The following UNC79 variants were observed in gnomAD, a reference collection of about 807,000 sequenced individuals.
The protein encoded by UNC79 is protein unc-79 homolog.
A neutral mutation model predicts 283.1 loss-of-function variants in UNC79; 37 were observed. The observed-to-expected ratio is 0.13, with a 90% CI of 0.10 to 0.17. UNC79 has a LOEUF of 0.17. Ranked by LOEUF, UNC79 falls within the 10% of genes least tolerant of loss-of-function variation. UNC79 has a pLI of 1.00. For missense variants in UNC79, 2,272 were observed against 3,211.1 expected (o/e 0.71, Z 7.07); for synonymous variants, 1,107 against 1,200.2 (o/e 0.92, Z 1.61).
intron 34 of UNC79, among the ~76,000 whole-genome samples, chr14:93,643,960 C>G (rs1183870010): frequency 6.6e-6 from 1 of 152,194 alleles, no homozygotes; most frequent in East Asian, 1.9e-4. Context: ...TTACCCCTGT[C>G]ACTAAATGAG....
chr14:93,522,712 A>C (rs923446850), intron 7 of UNC79, among the ~76,000 whole-genome samples: 1 of 152,146 alleles, frequency 6.6e-6, no homozygotes, highest in Admixed American at 6.5e-5. Context: ...TGCTCTAAAA[A>C]TATGATCAAA....
At chr14:93,449,576 C>T (rs1476278767) in intron 1 of UNC79, among the ~76,000 whole-genome samples, 2 of 151,550 alleles carry the variant, frequency 1.3e-5, no homozygotes, top group Non-Finnish European at 2.9e-5. Context: ...AGTGACTGCA[C>T]CACTGCGCTC....
At chr14:93,361,785 A>G (rs765122104) in intron 1 of UNC79, among the ~76,000 whole-genome samples, 3 of 152,174 alleles carry the variant, frequency 2.0e-5, no homozygotes, top group Non-Finnish European at 4.4e-5. Flanking sequence ...CTCAAGGGGA[A>G]TGCTTCAAGC....
intron 2 of UNC79, among the ~76,000 whole-genome samples, chr14:93,473,875 A>G (rs1211421513): frequency 6.6e-6 from 1 of 152,212 alleles, no homozygotes; most frequent in Non-Finnish European, 1.5e-5. Context: ...ATGAGATGCA[A>G]TGAGACTTCC....
In UNC79 at chr14:93,621,635, G is replaced by T. The variant is rs1434949294; in HGVS notation, c.4402G>T (p.Ala1468Ser). 1.3e-6 allele frequency: 2 copies of T among 1,563,216 alleles called. No homozygotes were observed. Among genetic ancestry groups the T allele is most frequent in the Non-Finnish European group, 1.7e-6 (2 of 1,158,260 alleles). Residue 1468 changes from alanine to serine, a missense_variant, in exon 30 of 49, where the codon GCT (alanine) becomes TCT (serine). By Grantham distance (99) the Ala-to-Ser change is moderately conservative. Coordinates refer to ENST00000555664, the Ensembl canonical transcript of UNC79. The surrounding 1 kb of genome is among the most constrained non-coding windows in gnomAD (Gnocchi z 4.8). The stretch of plus-strand genomic sequence containing the variant: ...GTTTTGATCAGGTGAAATAGAACTG[G>T]CTGAATATAGAGAGACGGGTGCATT...
intron 5 of UNC79, among the ~76,000 whole-genome samples, chr14:93,493,195 G>T (rs1037934340): frequency 1.3e-5 from 2 of 152,078 alleles, no homozygotes; most frequent in African/African-American, 2.4e-5. Context: ...TACAAGGGGG[G>T]GCGGTTCAGG....
Position 93,690,081 on chromosome 14 carries a change from A to C in UNC79, c.7086-36A>C. On this transcript the variant is annotated intron_variant, in intron 44 of 48. Coordinates refer to ENST00000555664, the Ensembl canonical transcript of UNC79. This position sits in a 1 kb window ranked among gnomAD's most constrained non-coding sequence, Gnocchi z 4.3. ...TTATGCACCCAATGAAACACAAAACATAAAATCATCTTTAACACTCCTTCT... is the reference window on the plus strand; with the variant it reads ...TTATGCACCCAATGAAACACAAAACCTAAAATCATCTTTAACACTCCTTCT... 1 of 1,605,484 alleles carries C rather than the reference A, an allele frequency of 6.2e-7. No homozygotes were observed. The highest frequency in any genetic ancestry group is 8.5e-7 in the Non-Finnish European group (1 of 1,174,138).
intron 14 of UNC79, among the ~76,000 whole-genome samples, chr14:93,559,770 G>A (rs548976627): frequency 2.0e-5 from 3 of 152,118 alleles, no homozygotes; most frequent in East Asian, 1.9e-4. Flanking sequence ...CACTTTCTTC[G>A]GGCCATCTGG....
At chr14:93,553,111 A>G (rs78845729) in intron 14 of UNC79, among the ~76,000 whole-genome samples, 23 of 152,386 alleles carry the variant, frequency 1.5e-4, no homozygotes, top group Non-Finnish European at 2.6e-4. Context: ...GCAAACAACT[A>G]TATTGCCATA....
intron 40 of UNC79, among the ~76,000 whole-genome samples, chr14:93,666,035 A>G (rs1476440169): frequency 7.0e-6 from 1 of 143,828 alleles, no homozygotes; most frequent in Non-Finnish European, 1.5e-5. Flanking sequence ...ATAGAATACT[A>G]GAAAATAGTA....
At chr14:93,698,175 T>G (rs758630663) in intron 47 of UNC79, among the ~76,000 whole-genome samples, 1 of 152,212 alleles carries the variant, frequency 6.6e-6, no homozygotes, top group Non-Finnish European at 1.5e-5. Context: ...ATGCTCTGTG[T>G]GCACTAGAAA....
chr14:93,626,449 CTT>C (rs1164472660), intron 30 of UNC79, among the ~76,000 whole-genome samples: 5 of 151,798 alleles, frequency 3.3e-5, no homozygotes, highest in Non-Finnish European at 5.9e-5. Flanking sequence ...TGTATCCTCT[CTT>C]AGTATTTTTT....
At chr14:93,504,156 G>A (rs1281972674) in intron 7 of UNC79, among the ~76,000 whole-genome samples, 1 of 151,758 alleles carries the variant, frequency 6.6e-6, no homozygotes, top group East Asian at 1.9e-4. Flanking sequence ...AATTACTGTA[G>A]CTTAATAATA....
intron 8 of UNC79, among the ~76,000 whole-genome samples, chr14:93,525,527 G>T (rs2060509725): frequency 6.6e-6 from 1 of 152,088 alleles, no homozygotes; most frequent in Admixed American, 6.5e-5. Flanking sequence ...GCACCCCACT[G>T]TTGACCTTCA....
chr14:93,449,955 T>C (rs2056585504), intron 1 of UNC79, among the ~76,000 whole-genome samples: 1 of 152,238 alleles, frequency 6.6e-6, no homozygotes, highest in Non-Finnish European at 1.5e-5. Context: ...TTTGAAAGTG[T>C]GTACATAATT....
intron 42 of UNC79, among the ~76,000 whole-genome samples, chr14:93,684,582 C>G (rs566112634): frequency 1.6e-4 from 25 of 152,040 alleles, no homozygotes; most frequent in African/African-American, 5.8e-4. Flanking sequence ...AAAATGTTAT[C>G]TCAATCTTAT....
chr14:93,612,805 T>C lies in UNC79; in HGVS notation c.3763T>C (p.Ser1255Pro), dbSNP rs1475282729. ...CTTTCTTCTACTGACAGGACAACAA[T>C]CTCCTGAGAATGACAACACCATCAA... is the stretch of plus-strand genomic sequence containing the variant. The change falls in exon 27 of 49, where the codon TCT becomes CCT. Residue 1255 changes from serine to proline, a missense_variant. Coordinates refer to ENST00000555664, the Ensembl canonical transcript of UNC79. 3.7e-6 allele frequency: 6 copies of C among 1,612,578 alleles called. No homozygotes were observed. In the South Asian group the frequency reaches 5.5e-5, roughly 15 times the overall value.
At chr14:93,539,748 A>G (rs1419211736) in intron 12 of UNC79, among the ~76,000 whole-genome samples, 1 of 152,164 alleles carries the variant, frequency 6.6e-6, no homozygotes, top group African/African-American at 2.4e-5. Flanking sequence ...TTCTAATTTT[A>G]TTTAAATGTA....
At chr14:93,686,458 A>C in intron 42 of UNC79, 114 bp from the exon 46 acceptor site, 1 of 1,098,752 alleles carries the variant, frequency 9.1e-7, no homozygotes, top group Non-Finnish European at 1.3e-6. Context: ...GGAGTGAGTC[A>C]GAAATCCAGA....
Sources: allele counts gnomAD v4.1 joint callset (sites outside exome capture counted in the v4.1 genomes callset), GRCh38; gene constraint gnomAD v4.1.1; non-coding constraint Gnocchi (gnomAD v3.1); transcripts MANE v1.5; gene names NCBI Gene and HGNC (gene_info 2026-07-23, HGNC 2026-07-21).